YAP1: variants seen among roughly 807,000 people sequenced by gnomAD.
YAP1 encodes the protein transcriptional coactivator YAP1.
Under a neutral mutation model 56.9 loss-of-function variants are expected in YAP1, and 5 were observed. The ratio of observed to expected loss-of-function variants is 0.09; its 90% CI spans 0.05 to 0.18. The LOEUF (loss-of-function observed/expected upper bound fraction) is 0.18, where lower values mean the gene tolerates loss of function less well. Among genes scored for constraint, YAP1 ranks in the 10% least tolerant of loss-of-function variants. YAP1 has a pLI of 1.00. For missense variants in YAP1, 539 were observed against 651.8 expected, an observed-to-expected ratio of 0.83 and a Z score of 1.88; for synonymous variants, 265 against 248.1, an observed-to-expected ratio of 1.07 and a Z score of -0.64.
intron 2 of YAP1, among the ~76,000 whole-genome samples, chr11:102,134,325 T>C (rs1235708147): frequency 3.9e-5 from 6 of 152,040 alleles, no homozygotes; most frequent in South Asian, 2.1e-4. Context: ...TTTAGAAATA[T>C]CAGGATGCTA....
intron 4 of YAP1, among the ~76,000 whole-genome samples, chr11:102,200,952 CT>C: frequency 6.6e-6 from 1 of 152,156 alleles, no homozygotes; most frequent in African/African-American, 2.4e-5. Flanking sequence ...AAAAAGCACT[CT>C]TACATTACTA....
chr11:102,151,901 G>A (rs1437258947), intron 2 of YAP1, among the ~76,000 whole-genome samples: 1 of 152,158 alleles, frequency 6.6e-6, no homozygotes, highest in Non-Finnish European at 1.5e-5. Context: ...GAGTGAGGGA[G>A]GATTGGGCTA....
intron 3 of YAP1, among the ~76,000 whole-genome samples, chr11:102,182,154 C>T (rs573324103): frequency 3.3e-5 from 5 of 152,244 alleles, no homozygotes; most frequent in South Asian, 2.1e-4. Flanking sequence ...TTCCTTAGAC[C>T]GGCATCAGCA....
At chr11:102,214,923 G>T (rs1034189259) in intron 6 of YAP1, among the ~76,000 whole-genome samples, 1 of 152,114 alleles carries the variant, frequency 6.6e-6, no homozygotes, top group African/African-American at 2.4e-5. Context: ...ATCCTGTTTT[G>T]GATGTGATTT....
intron 2 of YAP1, among the ~76,000 whole-genome samples, chr11:102,132,844 T>A (rs563199043): frequency 2.6e-4 from 40 of 152,350 alleles, no homozygotes; most frequent in African/African-American, 8.2e-4. Flanking sequence ...AACATTACAA[T>A]TTTTTACTTT....
intron 2 of YAP1, among the ~76,000 whole-genome samples, chr11:102,123,037 T>C (rs557402822): frequency 1.3e-5 from 2 of 152,204 alleles, no homozygotes; most frequent in Admixed American, 6.5e-5. Flanking sequence ...AAAAATTCCA[T>C]ATTTATAAAA....
intron 4 of YAP1, among the ~76,000 whole-genome samples, chr11:102,199,775 T>A (rs889431533): frequency 6.6e-6 from 1 of 152,174 alleles, no homozygotes. Context: ...TGAGAAGAAC[T>A]GTTAATAAAA....
chr11:102,194,799 G>A (rs1475873045), intron 4 of YAP1, among the ~76,000 whole-genome samples: 1 of 152,126 alleles, frequency 6.6e-6, no homozygotes, highest in Non-Finnish European at 1.5e-5. Flanking sequence ...TATCCTCTGT[G>A]AAAGAGCTTT....
intron 3 of YAP1, among the ~76,000 whole-genome samples, chr11:102,181,670 C>T (rs944711605): frequency 6.6e-6 from 1 of 152,234 alleles, no homozygotes; most frequent in Non-Finnish European, 1.5e-5. Context: ...TTTGCCTAAT[C>T]CTAGCAGACG....
intron 6 of YAP1, among the ~76,000 whole-genome samples, chr11:102,211,110 T>C (rs1016267651): frequency 1.1e-4 from 17 of 152,136 alleles, no homozygotes; most frequent in African/African-American, 3.6e-4. Context: ...GAAACTAATA[T>C]AGGAGCAGAA....
intron 4 of YAP1, among the ~76,000 whole-genome samples, chr11:102,190,163 TTTTTGTTCTG>T (rs1038142644): frequency 1.3e-5 from 2 of 152,218 alleles, no homozygotes; most frequent in Non-Finnish European, 2.9e-5. Flanking sequence ...AGTGAGGTTT[TTTTTGTTCTG>T]TTTTGTTTTG....
intron 4 of YAP1, among the ~76,000 whole-genome samples, chr11:102,192,464 T>A (rs1319244285): frequency 6.6e-6 from 1 of 152,230 alleles, no homozygotes; most frequent in Non-Finnish European, 1.5e-5. Context: ...TAGCATCTCT[T>A]TTCCACATGA....
intron 3 of YAP1, among the ~76,000 whole-genome samples, chr11:102,173,611 T>C (rs1317743902): frequency 1.3e-5 from 2 of 152,184 alleles, no homozygotes; most frequent in African/African-American, 4.8e-5. Context: ...CTCAATGATC[T>C]ATTGAGTGTT....
At chr11:102,138,348 G>C (rs10895263) in intron 2 of YAP1, among the ~76,000 whole-genome samples, 76,754 of 152,080 alleles carry the variant, frequency 0.5, 21,198 homozygotes, top group South Asian at 0.67. Flanking sequence ...CTGTATCTGG[G>C]AGCTATACTG....
intron 3 of YAP1, among the ~76,000 whole-genome samples, chr11:102,166,516 T>C (rs181690912): frequency 3.4e-3 from 514 of 152,304 alleles, no homozygotes; most frequent in Middle Eastern, 0.01. Context: ...TTAGAGACAG[T>C]GAACAAGGAC....
At chr11:102,120,925 T>C (rs1046267131) in intron 2 of YAP1, among the ~76,000 whole-genome samples, 1 of 152,230 alleles carries the variant, frequency 6.6e-6, no homozygotes, top group African/African-American at 2.4e-5. Flanking sequence ...AAAAAGTACA[T>C]ACGCTGCCAC....
intron 2 of YAP1, among the ~76,000 whole-genome samples, chr11:102,116,305 T>A (rs1943285039): frequency 6.6e-6 from 1 of 152,220 alleles, no homozygotes; most frequent in African/African-American, 2.4e-5. Context: ...ATAAAGTATA[T>A]GGGAGAATAT....
At position 102,179,726 on chromosome 11, in the gene YAP1, G is replaced by A. The variant is rs142812723; in HGVS notation, c.689-6292G>A. On this transcript the variant is annotated intron_variant, in intron 3 of 8. Coordinates refer to ENST00000282441, the MANE Select transcript of YAP1 (RefSeq NM_001130145.3). ...GCATGCTGCTTTATTTTTGCTGCACGTATCATTAGCCAACATTGTACTGTC... is the reference window on the plus strand; with the variant it reads ...GCATGCTGCTTTATTTTTGCTGCACATATCATTAGCCAACATTGTACTGTC... Among the ~76,000 whole-genome samples, 1,038 of 151,452 alleles carry A rather than the reference G, an allele frequency of 6.9e-3. 18 individuals carry two copies. The highest frequency in any genetic ancestry group is 0.024 in the African/African-American group (980 of 41,260).
At chr11:102,161,169 T>C (rs1591276158) in intron 2 of YAP1, among the ~76,000 whole-genome samples, 1 of 146,844 alleles carries the variant, frequency 6.8e-6, no homozygotes, top group South Asian at 2.3e-4. Flanking sequence ...CTCGCCATTC[T>C]CCTGCCTCAG....
Sources: gnomAD v4.1 joint callset for allele counts (sites outside exome capture counted in the v4.1 genomes callset) on GRCh38, gnomAD v4.1.1 for gene constraint, MANE v1.5 for transcripts, NCBI Gene and HGNC (gene_info 2026-07-23, HGNC 2026-07-21) for gene names.